The following GBF1 variants were observed in gnomAD, a reference collection of about 807,000 sequenced individuals.
GBF1 encodes the protein Golgi-specific brefeldin A-resistance guanine nucleotide exchange factor 1.
In GBF1, 114 loss-of-function variants were observed where a neutral mutation model predicts 210.5. The observed-to-expected ratio is 0.54, with a 90% CI of 0.47 to 0.63. The LOEUF is 0.63. Ranked by LOEUF, GBF1 falls within the 30% of genes least tolerant of loss-of-function variation. GBF1 has a pLI of 0.00. For missense variants in GBF1, 1,851 were observed against 2,357.7 expected (o/e 0.79, Z 4.45); for synonymous variants, 850 against 889.2 (o/e 0.96, Z 0.78).
chr10:102,231,466 GCCAGGGT>G, the GBF1 span: 2 of 674,326 alleles, frequency 3.0e-6, no homozygotes, highest in African/African-American at 1.8e-5. Flanking sequence ...GCGGCCGGGA[GCCAGGGT>G]CCGGGGTCCG....
intron 3 of GBF1, among the ~76,000 whole-genome samples, chr10:102,283,005 A>G (rs1408750139): frequency 2.6e-5 from 4 of 152,238 alleles, no homozygotes; most frequent in Non-Finnish European, 5.9e-5. Flanking sequence ...ATGATCCTAG[A>G]TACTATTAAA....
chr10:102,381,192 G>C lies in GBF1; in HGVS notation c.5239G>C (p.Gly1747Arg), dbSNP rs1278912621. Reference sequence around the variant, plus strand: ...CTCAGCCCACCTGACTTCCGCTGCTGGCGACACTAGGACACCTGGCCATCC... The same window carrying C: ...CTCAGCCCACCTGACTTCCGCTGCTCGCGACACTAGGACACCTGGCCATCC... ...LASAHLTSAAGDTRTPGHPPP... is the reference protein window; with the variant it reads ...LASAHLTSAARDTRTPGHPPP... The change falls in exon 39 of 40, where the codon GGC (glycine) becomes CGC (arginine). Residue 1747 changes from glycine to arginine, a missense_variant. This residue lies in a region of GBF1 where 967 missense variants were observed against 1,247.7 expected (regional missense o/e 0.78). Coordinates refer to ENST00000369983, the MANE Select transcript of GBF1 (RefSeq NM_001377137.1). The C allele has an allele frequency of 1.2e-6, 2 of 1,613,998 alleles. No homozygotes were observed. Among genetic ancestry groups the C allele is most frequent in the South Asian group, 2.2e-5 (2 of 91,076 alleles).
At chr10:102,282,227 G>A (rs1047568722) in intron 3 of GBF1, among the ~76,000 whole-genome samples, 31 of 151,892 alleles carry the variant, frequency 2.0e-4, no homozygotes, top group Non-Finnish European at 2.5e-4. Context: ...GAGCCACCGC[G>A]CCCGGCCGCC....
chr10:102,372,271 CTT>C (rs1332273124), intron 29 of GBF1, among the ~76,000 whole-genome samples: 1 of 151,478 alleles, frequency 6.6e-6, no homozygotes, highest in East Asian at 1.9e-4. Context: ...AATCCCAACA[CTT>C]TGTGAGGCCA....
chr10:102,252,106 G>A (rs1276793284), intron 1 of GBF1, among the ~76,000 whole-genome samples: 1 of 151,856 alleles, frequency 6.6e-6, no homozygotes, highest in Non-Finnish European at 1.5e-5. Context: ...TTGGGAGGCC[G>A]AGGTGGGCAG....
rs965708884 is a variant in GBF1, at chr10:102,382,193, T to C, written c.5440T>C (p.Leu1814=). Residue 1814 remains leucine (L), a synonymous_variant, in exon 40 of 40, where the codon TTG becomes CTG. Transcript: ENST00000369983. ...LAQPPLILQP[L]ASPLQVGVPP... ...TCAGCCCCCACTGATCCTGCAGCCC[T>C]TGGCCTCCCCACTGCAGGTGGGCGT... 6.2e-7 allele frequency: 1 copy of C among 1,614,056 alleles called. No homozygotes were observed.
At chr10:102,250,867 G>C (rs1565010756) in intron 1 of GBF1, among the ~76,000 whole-genome samples, 1 of 152,160 alleles carries the variant, frequency 6.6e-6, no homozygotes, top group Non-Finnish European at 1.5e-5. Context: ...TGAGGCAGGA[G>C]AATCACTTGA....
At chr10:102,322,605 C>T (rs1024207947) in intron 3 of GBF1, among the ~76,000 whole-genome samples, 1 of 150,040 alleles carries the variant, frequency 6.7e-6, no homozygotes, top group Admixed American at 6.8e-5. Flanking sequence ...GTTCTCCTTA[C>T]ATGTGGTGTC....
chr10:102,345,054 C>T (rs998868576), intron 4 of GBF1, among the ~76,000 whole-genome samples: 4 of 151,828 alleles, frequency 2.6e-5, no homozygotes, highest in South Asian at 2.1e-4. Context: ...GTGGCCAAGG[C>T]GGGTGGATCA....
chr10:102,357,472 G>A (rs534313443), intron 8 of GBF1, among the ~76,000 whole-genome samples: 1 of 149,138 alleles, frequency 6.7e-6, no homozygotes, highest in South Asian at 2.1e-4. Context: ...GGGTGGCAAA[G>A]CTAGACTCCA....
chr10:102,241,867 C>T (rs893871184), upstream of GBF1, among the ~76,000 whole-genome samples: 2 of 152,232 alleles, frequency 1.3e-5, no homozygotes, highest in African/African-American at 4.8e-5. This position sits in a 1 kb window ranked among gnomAD's most constrained non-coding sequence, Gnocchi z 6.7. Flanking sequence ...GGTTGGGCCG[C>T]TACCCCGAGG....
In GBF1 at chr10:102,366,559, G is replaced by A; in HGVS notation, c.2433+53G>A. 2 of 1,505,788 alleles carry A rather than the reference G, an allele frequency of 1.3e-6. No homozygotes were observed. Among genetic ancestry groups the A allele is most frequent in the South Asian group, 1.2e-5 (1 of 85,516 alleles). 93.3% of individuals were successfully genotyped at this position (1,505,788 alleles called of 1,614,324 possible). On this transcript the variant is annotated intron_variant, in intron 19 of 39. Coordinates refer to ENST00000369983, the MANE Select transcript of GBF1 (RefSeq NM_001377137.1). The surrounding 1 kb of genome is among the most constrained non-coding windows in gnomAD (Gnocchi z 4.0). Reference sequence around the variant, plus strand: ...CAGGATCCAAGGTCAGTTTGACTGAGGGCTGAAGAATCCAGCTGCTGTCTC... The same window carrying A: ...CAGGATCCAAGGTCAGTTTGACTGAAGGCTGAAGAATCCAGCTGCTGTCTC...
upstream of GBF1, among the ~76,000 whole-genome samples, chr10:102,243,461 A>G (rs1441534116): frequency 6.6e-6 from 1 of 152,190 alleles, no homozygotes; most frequent in Non-Finnish European, 1.5e-5. Flanking sequence ...GGGACTAGGG[A>G]ATTGTCATCT....
At position 102,256,237 on chromosome 10, in the gene GBF1, C is replaced by T. The variant is rs560574148; in HGVS notation, c.-10-2692C>T. ...TAGGGATTACAGGTGTGAGCCACTGCGCATGGCCCCTGGACAAAATTTGTA... is the reference window on the plus strand; with the variant it reads ...TAGGGATTACAGGTGTGAGCCACTGTGCATGGCCCCTGGACAAAATTTGTA... On this transcript the variant is annotated intron_variant, in intron 1 of 39. Coordinates refer to ENST00000369983, the MANE Select transcript of GBF1 (RefSeq NM_001377137.1). Among the ~76,000 whole-genome samples, 123 of 152,226 alleles carry T rather than the reference C, an allele frequency of 8.1e-4. 1 individual carries two copies. In the South Asian group the frequency reaches 0.017, roughly 21 times the overall value.
chr10:102,244,040 G>A (rs1179747954), upstream of GBF1, among the ~76,000 whole-genome samples: 2 of 152,208 alleles, frequency 1.3e-5, no homozygotes, highest in Non-Finnish European at 2.9e-5. Context: ...TGAGGCAGGA[G>A]AATCACTTGA....
chr10:102,369,754 G>T lies in GBF1; in HGVS notation c.3194G>T (p.Arg1065Leu), dbSNP rs377576744. The T allele has an allele frequency of 2.5e-6, 4 of 1,613,950 alleles. No homozygotes were observed. Among genetic ancestry groups the T allele is most frequent in the Non-Finnish European group, 3.4e-6 (4 of 1,179,922 alleles). Residue 1065 changes from arginine (R) to leucine (L), a missense_variant, in exon 25 of 40, where the codon CGG (arginine) becomes CTG (leucine). By Grantham distance (102) the Arg-to-Leu change is moderately radical. Transcript: ENST00000369983. ...VDPNGKISLQ[R>L]EETPSNRGES... ...CCCAATGGCAAGATCTCTCTACAGC[G>T]GGAAGAGACACCATCAAACCGGTAA...
At position 102,363,499 on chromosome 10, in the gene GBF1, G is replaced by T. The variant is rs2135087684; in HGVS notation, c.2017+103G>T. 1 of 1,145,586 alleles carries T rather than the reference G, an allele frequency of 8.7e-7. No individual in the cohort carries two copies. The highest frequency in any genetic ancestry group is 2.4e-5 in the East Asian group (1 of 42,322). The allele number at this position is 1,145,586 out of a possible 1,614,324, so 71.0% of individuals were successfully genotyped here. On this transcript the variant is annotated intron_variant, in intron 16 of 39. Coordinates refer to ENST00000369983, the MANE Select transcript of GBF1 (RefSeq NM_001377137.1). The surrounding 1 kb of genome is among the most constrained non-coding windows in gnomAD (Gnocchi z 4.2). ...TAGGATAGTAACTAAGCAAGCCTTG[G>T]TAGCCCGCCTCGCCTTCAGACTCAG...
intron 3 of GBF1, among the ~76,000 whole-genome samples, chr10:102,302,423 TAAC>T (rs2077469128): frequency 6.6e-6 from 1 of 152,032 alleles, no homozygotes; most frequent in African/African-American, 2.4e-5. Context: ...ATAAAGCTGT[TAAC>T]AACAAAACAA....
At chr10:102,269,065 G>T (rs1031092905) in intron 3 of GBF1, among the ~76,000 whole-genome samples, 1 of 152,180 alleles carries the variant, frequency 6.6e-6, no homozygotes, top group Admixed American at 6.5e-5. Context: ...AGATCCTAAA[G>T]AACTTAGATG....
Sources: allele counts gnomAD v4.1 joint callset (sites outside exome capture counted in the v4.1 genomes callset), GRCh38; gene constraint gnomAD v4.1.1; regional missense constraint gnomAD v4.1.1; non-coding constraint Gnocchi (gnomAD v3.1); transcripts MANE v1.5; gene names NCBI Gene and HGNC (gene_info 2026-07-23, HGNC 2026-07-21).